The following PGCKA1 variants were observed in gnomAD, a reference collection of about 807,000 sequenced individuals.
PGCKA1 encodes the protein PDCD10 and GCKIII kinases associated 1, also known as PDCD10 and GCKIII kinases-associated protein 1.
the PGCKA1 span, among the ~76,000 whole-genome samples, chr4:37,482,653 A>G: frequency 2.6e-5 from 4 of 152,214 alleles, no homozygotes; most frequent in African/African-American, 7.2e-5. Flanking sequence ...CCAAATGTTA[A>G]TCACCAAGAC....
At chr4:37,514,670 C>G in the PGCKA1 span, among the ~76,000 whole-genome samples, 2 of 152,102 alleles carry the variant, frequency 1.3e-5, no homozygotes, top group African/African-American at 4.8e-5. Context: ...TAAGCCAGCC[C>G]AAAACTTGGT....
At chr4:37,533,311 A>T in the PGCKA1 span, among the ~76,000 whole-genome samples, 1 of 144,598 alleles carries the variant, frequency 6.9e-6, no homozygotes, top group African/African-American at 2.5e-5. Flanking sequence ...ATATTTATTT[A>T]GTTGAGTGAA....
chr4:37,573,359 A>G, the PGCKA1 span, among the ~76,000 whole-genome samples: 1 of 152,238 alleles, frequency 6.6e-6, no homozygotes, highest in African/African-American at 2.4e-5. Context: ...TTTACAGACA[A>G]GGACTCTGTG....
the PGCKA1 span, among the ~76,000 whole-genome samples, chr4:37,563,308 A>T: frequency 6.6e-6 from 1 of 152,158 alleles, no homozygotes; most frequent in Non-Finnish European, 1.5e-5. Context: ...GAAGTCGGCA[A>T]ATTCGATTCC....
At chr4:37,563,304 G>A in the PGCKA1 span, among the ~76,000 whole-genome samples, 10 of 152,224 alleles carry the variant, frequency 6.6e-5, no homozygotes, top group South Asian at 1.7e-3. Context: ...TCAAGAAGTC[G>A]GCAAATTCGA....
the PGCKA1 span, among the ~76,000 whole-genome samples, chr4:37,534,762 A>G: frequency 2.0e-5 from 3 of 152,102 alleles, no homozygotes; most frequent in East Asian, 1.9e-4. Context: ...CACTAATCCC[A>G]TTTGTGAAGT....
the PGCKA1 span, among the ~76,000 whole-genome samples, chr4:37,541,119 G>A: frequency 6.6e-6 from 1 of 152,054 alleles, no homozygotes; most frequent in African/African-American, 2.4e-5. Context: ...GTTCCCACCA[G>A]TTATTATTAT....
chr4:37,572,769 T>G, the PGCKA1 span, among the ~76,000 whole-genome samples: 1 of 152,264 alleles, frequency 6.6e-6, no homozygotes, highest in Non-Finnish European at 1.5e-5. Context: ...TTTTATATTT[T>G]TAATAATTTG....
At chr4:37,460,894 T>C in the PGCKA1 span, 1 of 400,382 alleles carries the variant, frequency 2.5e-6, no homozygotes, top group South Asian at 1.9e-5. Context: ...GACGATTTCA[T>C]CATAAAATCT....
At chr4:37,551,448 T>C in the PGCKA1 span, among the ~76,000 whole-genome samples, 1 of 152,340 alleles carries the variant, frequency 6.6e-6, no homozygotes, top group East Asian at 1.9e-4. Context: ...CAAGCTGTTT[T>C]AGAAATCATC....
chr4:37,568,733 A>G, the PGCKA1 span, among the ~76,000 whole-genome samples: 1 of 152,234 alleles, frequency 6.6e-6, no homozygotes, highest in African/African-American at 2.4e-5. Context: ...TGCCTTCAGC[A>G]TAATTCTCAG....
At chr4:37,526,613 G>T in the PGCKA1 span, among the ~76,000 whole-genome samples, 1 of 152,146 alleles carries the variant, frequency 6.6e-6, no homozygotes, top group Non-Finnish European at 1.5e-5. Flanking sequence ...ATGTGACAGG[G>T]ATCTCATAAA....
At chr4:37,509,567 C>G in the PGCKA1 span, among the ~76,000 whole-genome samples, 2 of 151,584 alleles carry the variant, frequency 1.3e-5, no homozygotes, top group African/African-American at 4.9e-5. Context: ...GGGTGGCGGC[C>G]GGGCAGAGGC....
chr4:37,491,333 G>A, the PGCKA1 span, among the ~76,000 whole-genome samples: 4 of 152,034 alleles, frequency 2.6e-5, no homozygotes, highest in African/African-American at 4.8e-5. Context: ...ATTATATCTC[G>A]ATTTCAATTA....
chr4:37,483,266 C>G, the PGCKA1 span, among the ~76,000 whole-genome samples: 4 of 152,180 alleles, frequency 2.6e-5, no homozygotes, highest in South Asian at 8.3e-4. Context: ...ACAGGCTGAA[C>G]TGTGAGTCAA....
At chr4:37,586,584 T>C in the PGCKA1 span, among the ~76,000 whole-genome samples, 1 of 152,176 alleles carries the variant, frequency 6.6e-6, no homozygotes, top group Admixed American at 6.5e-5. Context: ...TCTGTGCTGC[T>C]GCAGCAAATT....
the PGCKA1 span, among the ~76,000 whole-genome samples, chr4:37,570,534 G>T: frequency 6.6e-6 from 1 of 151,052 alleles, no homozygotes; most frequent in Non-Finnish European, 1.5e-5. Flanking sequence ...GCAGTCTCTA[G>T]TTTCTTCTAT....
the PGCKA1 span, among the ~76,000 whole-genome samples, chr4:37,507,184 T>C: frequency 1.3e-5 from 2 of 152,116 alleles, no homozygotes; most frequent in Non-Finnish European, 2.9e-5. Context: ...TATAAAAGAA[T>C]TGTATTTCTT....
At chr4:37,552,961 C>T in the PGCKA1 span, among the ~76,000 whole-genome samples, 4 of 152,204 alleles carry the variant, frequency 2.6e-5, no homozygotes, top group African/African-American at 9.6e-5. Context: ...AAGTCCTGTT[C>T]TTTTCTACCT....
Sources: allele counts gnomAD v4.1 joint callset (sites outside exome capture counted in the v4.1 genomes callset), GRCh38; gene constraint gnomAD v4.1.1; transcripts MANE v1.5; gene names NCBI Gene and HGNC (gene_info 2026-07-23, HGNC 2026-07-21).